Variants in STAG1 observed in about 807,000 individuals in gnomAD.
The protein encoded by STAG1 is STAG1 cohesin complex component, also known as cohesin subunit SA-1.
Under a neutral mutation model 170.9 loss-of-function variants are expected in STAG1, and 26 were observed. The ratio of observed to expected loss-of-function variants is 0.15; its 90% CI spans 0.11 to 0.21. The LOEUF is 0.21. STAG1 is among the 10% of genes least tolerant of loss of function. The pLI, the probability that STAG1 is intolerant of heterozygous loss-of-function variation, is 1.00. For missense variants in STAG1, 964 were observed against 1,509.5 expected (o/e 0.64, Z 5.99); for synonymous variants, 514 against 497.7 (o/e 1.03, Z -0.44).
intron 22 of STAG1, among the ~76,000 whole-genome samples, chr3:136,378,277 T>A (rs924196967): frequency 1.3e-5 from 2 of 152,244 alleles, no homozygotes; most frequent in Non-Finnish European, 2.9e-5. Flanking sequence ...TATTAACTCT[T>A]AACTGCAGCA....
chr3:136,733,674 CAT>C (rs1278208049), intron 1 of STAG1, among the ~76,000 whole-genome samples: 5 of 152,318 alleles, frequency 3.3e-5, no homozygotes, highest in South Asian at 2.1e-4. Context: ...TCTGTGAACA[CAT>C]GAGATTTTTA....
intron 7 of STAG1, among the ~76,000 whole-genome samples, chr3:136,508,794 C>T (rs1306809774): frequency 2.0e-5 from 3 of 152,238 alleles, no homozygotes; most frequent in African/African-American, 7.2e-5. Context: ...CTGGGGTACC[C>T]TACAAATTTC....
At chr3:136,362,492 G>A (rs1400852214) in intron 26 of STAG1, among the ~76,000 whole-genome samples, 1 of 149,748 alleles carries the variant, frequency 6.7e-6, no homozygotes, top group African/African-American at 2.4e-5. Flanking sequence ...ATTGGCTGGG[G>A]CAAGGTGGCT....
intron 14 of STAG1, among the ~76,000 whole-genome samples, chr3:136,448,047 T>C (rs1158690348): frequency 6.6e-6 from 1 of 152,118 alleles, no homozygotes; most frequent in Non-Finnish European, 1.5e-5. Context: ...TCACCTGAAA[T>C]CAATGACTGT....
chr3:136,724,156 A>AG (rs1242815767), intron 1 of STAG1, among the ~76,000 whole-genome samples: 2 of 141,446 alleles, frequency 1.4e-5, no homozygotes, highest in African/African-American at 6.1e-5. Context: ...TTTGTGGAAT[A>AG]GAGGAGGGGA....
At chr3:136,659,058 T>A (rs371255347) in intron 1 of STAG1, among the ~76,000 whole-genome samples, 1 of 152,178 alleles carries the variant, frequency 6.6e-6, no homozygotes, top group Non-Finnish European at 1.5e-5. Flanking sequence ...ACCACTCTTT[T>A]TGACCCTGCA....
At chr3:136,470,731 A>C (rs1470099993) in intron 12 of STAG1, among the ~76,000 whole-genome samples, 3 of 152,228 alleles carry the variant, frequency 2.0e-5, no homozygotes, top group Non-Finnish European at 2.9e-5. Flanking sequence ...CTTAGAACCA[A>C]CCCAAATGTC....
intron 1 of STAG1, among the ~76,000 whole-genome samples, chr3:136,731,145 T>C (rs981865574): frequency 7.2e-5 from 11 of 152,124 alleles, no homozygotes; most frequent in African/African-American, 2.7e-4. Context: ...CTTTCACTTC[T>C]CTTTCAAAAC....
chr3:136,402,035 C>T (rs572849937), intron 21 of STAG1, among the ~76,000 whole-genome samples: 11 of 152,102 alleles, frequency 7.2e-5, no homozygotes, highest in Admixed American at 6.6e-4. Flanking sequence ...TGAGCCACCG[C>T]GCCCACCCAA....
chr3:136,615,700 C>G (rs183265046), intron 3 of STAG1, among the ~76,000 whole-genome samples: 2 of 148,986 alleles, frequency 1.3e-5, no homozygotes, highest in Non-Finnish European at 1.5e-5. Context: ...ATGGTGTGAA[C>G]CTGGGAGGCG....
At chr3:136,713,234 C>G (rs908928442) in intron 1 of STAG1, among the ~76,000 whole-genome samples, 2 of 152,048 alleles carry the variant, frequency 1.3e-5, no homozygotes, top group African/African-American at 4.8e-5. Context: ...AACTACGGGT[C>G]CCACAACATG....
chr3:136,356,632 T>A (rs1480664956), intron 28 of STAG1, among the ~76,000 whole-genome samples: 2 of 152,336 alleles, frequency 1.3e-5, no homozygotes, highest in East Asian at 3.9e-4. Context: ...TCCTCCTGCT[T>A]CAGCCTCCTT....
In STAG1 at chr3:136,474,963, G is replaced by C. The variant is rs150778048; in HGVS notation, c.1027-1326C>G. ...TTGAGGCCCATAGCCAGTAAAGAAA[G>C]ATACAGGGGTGAAACAGCCCAGCCT... On this transcript the variant is annotated intron_variant, in intron 10 of 33. Transcript: ENST00000383202. Among the ~76,000 whole-genome samples, 190 of 152,106 alleles carry C rather than the reference G, an allele frequency of 1.2e-3. 1 individual carries two copies. The highest frequency in any genetic ancestry group is 4.2e-3 in the African/African-American group (176 of 41,502).
intron 6 of STAG1, among the ~76,000 whole-genome samples, chr3:136,531,134 A>G (rs1935346051): frequency 6.6e-6 from 1 of 151,998 alleles, no homozygotes; most frequent in Admixed American, 6.6e-5. Flanking sequence ...GAAGACATTT[A>G]TGCAGCCAAA....
intron 7 of STAG1, among the ~76,000 whole-genome samples, chr3:136,507,315 G>A (rs1933816447): frequency 6.6e-6 from 1 of 152,160 alleles, no homozygotes; most frequent in Non-Finnish European, 1.5e-5. Flanking sequence ...TAATTTGAAG[G>A]TCAGAGACAG....
chr3:136,455,618 C>T (rs916541917), intron 13 of STAG1, among the ~76,000 whole-genome samples: 13 of 152,156 alleles, frequency 8.5e-5, no homozygotes, highest in Admixed American at 2.6e-4. Flanking sequence ...AACTGGTGCA[C>T]GGATCTTGGC....
At chr3:136,670,145 T>C (rs1357658763) in intron 1 of STAG1, among the ~76,000 whole-genome samples, 1 of 152,204 alleles carries the variant, frequency 6.6e-6, no homozygotes, top group African/African-American at 2.4e-5. Context: ...TATTATAGAA[T>C]CATCCAATAT....
At chr3:136,545,402 T>A (rs1335098518) in intron 5 of STAG1, among the ~76,000 whole-genome samples, 1 of 152,140 alleles carries the variant, frequency 6.6e-6, no homozygotes, top group East Asian at 1.9e-4. Context: ...CCTAGCCTGA[T>A]AAACAGCAAA....
intron 16 of STAG1, 86 bp from the exon 17 acceptor site, chr3:136,423,130 T>C: frequency 1.3e-6 from 1 of 787,758 alleles, no homozygotes; most frequent in East Asian, 2.9e-5. Context: ...CACTGGCAAA[T>C]AATATAACCA....
Sources: allele counts gnomAD v4.1 joint callset (sites outside exome capture counted in the v4.1 genomes callset), GRCh38; gene constraint gnomAD v4.1.1; transcripts MANE v1.5; gene names NCBI Gene and HGNC (gene_info 2026-07-23, HGNC 2026-07-21).